CNTNAP2: variants seen among roughly 807,000 people sequenced by gnomAD.
CNTNAP2 encodes the protein contactin associated protein 2, also known as contactin-associated protein-like 2.
Under a neutral mutation model 155.2 loss-of-function variants are expected in CNTNAP2, and 98 were observed. That is an observed-to-expected ratio of 0.63 (90% CI 0.54 to 0.75). The LOEUF is 0.75. Among genes scored for constraint, CNTNAP2 ranks in the 30% least tolerant of loss-of-function variants. CNTNAP2 has a pLI of 0.00. For missense variants in CNTNAP2, 1,727 were observed against 1,688.1 expected, an observed-to-expected ratio of 1.02 and a Z score of -0.40; for synonymous variants, 651 against 631.2, an observed-to-expected ratio of 1.03 and a Z score of -0.47.
intron 13 of CNTNAP2, among the ~76,000 whole-genome samples, chr7:147,879,463 A>C: frequency 6.7e-6 from 1 of 149,142 alleles, no homozygotes; most frequent in Non-Finnish European, 1.5e-5. Flanking sequence ...AAAGATGGAA[A>C]TTTTTTTTTT....
intron 1 of CNTNAP2, among the ~76,000 whole-genome samples, chr7:146,693,584 A>T (rs1396292959): frequency 6.6e-6 from 1 of 152,198 alleles, no homozygotes; most frequent in Non-Finnish European, 1.5e-5. Context: ...CCAGAATATT[A>T]TACCTTGACA....
At chr7:146,552,169 C>T (rs1398492787) in intron 1 of CNTNAP2, among the ~76,000 whole-genome samples, 1 of 152,022 alleles carries the variant, frequency 6.6e-6, no homozygotes, top group Non-Finnish European at 1.5e-5. Flanking sequence ...ATAGCTTTAT[C>T]ATGCCTAAAT....
chr7:146,343,134 T>C (rs1794760713), intron 1 of CNTNAP2, among the ~76,000 whole-genome samples: 1 of 152,192 alleles, frequency 6.6e-6, no homozygotes, highest in Admixed American at 6.5e-5. Context: ...TCTTTCAATG[T>C]TAACTTTATT....
intron 14 of CNTNAP2, among the ~76,000 whole-genome samples, chr7:147,908,107 T>C (rs183980667): frequency 2.4e-4 from 36 of 152,200 alleles, no homozygotes; most frequent in African/African-American, 8.4e-4. Context: ...GACTCTTAAA[T>C]GAAAATAAAT....
intron 2 of CNTNAP2, among the ~76,000 whole-genome samples, chr7:146,830,562 C>A (rs1025036379): frequency 1.3e-5 from 2 of 151,854 alleles, no homozygotes; most frequent in Non-Finnish European, 2.9e-5. Flanking sequence ...ATAATTTTAA[C>A]CCTGTATATT....
Position 147,915,936 on chromosome 7 carries a change from G to A in CNTNAP2, c.2255+12215G>A, listed in dbSNP as rs1280017394. 3.3e-5 allele frequency among the ~76,000 whole-genome samples: 5 copies of A among 152,270 alleles called. No individual in the cohort carries two copies. The East Asian group carries it at 7.7e-4, about 24-fold the overall frequency. On this transcript the variant is annotated intron_variant, in intron 14 of 23. Coordinates refer to ENST00000361727, the MANE Select transcript of CNTNAP2 (RefSeq NM_014141.6). Reference sequence around the variant, plus strand: ...CTTGGCAGATTTGAGCTATGCTGAAGTTGCCTCTTAACAGGAGATTCCTAG... The same window carrying A: ...CTTGGCAGATTTGAGCTATGCTGAAATTGCCTCTTAACAGGAGATTCCTAG...
chr7:147,652,109 G>A (rs574645585), intron 13 of CNTNAP2, among the ~76,000 whole-genome samples: 13 of 152,238 alleles, frequency 8.5e-5, no homozygotes, highest in East Asian at 5.8e-4. Context: ...TATCTTTCCC[G>A]AGCTAGTATT....
intron 8 of CNTNAP2, among the ~76,000 whole-genome samples, chr7:147,218,393 CAT>C (rs1220388289): frequency 6.6e-6 from 1 of 151,330 alleles, no homozygotes; most frequent in Non-Finnish European, 1.5e-5. Flanking sequence ...TCATTTTACC[CAT>C]GTGTTATTTA....
At chr7:146,132,117 A>AGTATCTGTATCTCAGATT (rs1250978184) in intron 1 of CNTNAP2, among the ~76,000 whole-genome samples, 1 of 152,202 alleles carries the variant, frequency 6.6e-6, no homozygotes, top group Non-Finnish European at 1.5e-5. Flanking sequence ...AAACTCATGC[A>AGTATCTGTATCTCAGATT]GTATCTGTAT....
intron 1 of CNTNAP2, among the ~76,000 whole-genome samples, chr7:146,239,961 T>C (rs1448474207): frequency 6.6e-6 from 1 of 152,220 alleles, no homozygotes; most frequent in African/African-American, 2.4e-5. Context: ...TGGATCTGTC[T>C]ACATTGGTTT....
chr7:146,824,865 T>TC (rs1483439020), intron 2 of CNTNAP2, among the ~76,000 whole-genome samples: 5 of 151,324 alleles, frequency 3.3e-5, no homozygotes, highest in African/African-American at 1.2e-4. Flanking sequence ...TGGACCTGTT[T>TC]TTTTTTTTTT....
chr7:147,338,578 T>C (rs1256910389), intron 9 of CNTNAP2, among the ~76,000 whole-genome samples: 1 of 152,124 alleles, frequency 6.6e-6, no homozygotes, highest in African/African-American at 2.4e-5. Context: ...TTAAAGCCTA[T>C]TAGATCACCA....
At chr7:147,102,056 G>A (rs917555322) in intron 4 of CNTNAP2, among the ~76,000 whole-genome samples, 5 of 152,082 alleles carry the variant, frequency 3.3e-5, no homozygotes, top group South Asian at 4.1e-4. Context: ...ATTTAACAAT[G>A]TTAATACAAT....
At chr7:147,058,385 G>C (rs1799602268) in intron 4 of CNTNAP2, among the ~76,000 whole-genome samples, 1 of 152,064 alleles carries the variant, frequency 6.6e-6, no homozygotes, top group Admixed American at 6.6e-5. Flanking sequence ...ATGTTCTATA[G>C]AGTATATTAC....
intron 1 of CNTNAP2, among the ~76,000 whole-genome samples, chr7:146,433,806 A>G (rs1490736479): frequency 1.3e-5 from 2 of 152,126 alleles, no homozygotes; most frequent in African/African-American, 4.8e-5. Flanking sequence ...CTCCGTCATG[A>G]TATGTTGATT....
At chr7:147,252,183 G>T (rs1235247736) in intron 8 of CNTNAP2, among the ~76,000 whole-genome samples, 1 of 152,172 alleles carries the variant, frequency 6.6e-6, no homozygotes, top group South Asian at 2.1e-4. Flanking sequence ...GGGTGGTGGG[G>T]AGAGGTCATA....
Position 148,415,281 on chromosome 7 carries a change from G to A in CNTNAP2, c.3797-136G>A, listed in dbSNP as rs1799954772. 6 of 901,020 alleles carry A rather than the reference G, an allele frequency of 6.7e-6. No homozygotes were observed. The South Asian group carries it at 8.6e-5, about 13-fold the overall frequency. 55.8% of individuals were successfully genotyped at this position (901,020 alleles called of 1,614,324 possible). A position where few individuals can be genotyped will look rare whatever the true frequency, so the allele number is the denominator to read the frequency against. ...AAAACAGACATCTTACTTCATTTTT[G>A]TTATCTTTGTTGTTTTGGAGGTTGT... On this transcript the variant is annotated intron_variant, in intron 23 of 23. Coordinates refer to ENST00000361727, the MANE Select transcript of CNTNAP2 (RefSeq NM_014141.6).
intron 1 of CNTNAP2, among the ~76,000 whole-genome samples, chr7:146,328,971 T>C (rs902437443): frequency 6.6e-6 from 1 of 152,242 alleles, no homozygotes; most frequent in African/African-American, 2.4e-5. Flanking sequence ...TTGGCTATCA[T>C]GAATAAATGT....
intron 12 of CNTNAP2, among the ~76,000 whole-genome samples, chr7:147,634,254 C>A (rs147778381): frequency 6.6e-6 from 1 of 152,126 alleles, no homozygotes; most frequent in Non-Finnish European, 1.5e-5. Flanking sequence ...TATATATACA[C>A]CATGGAATAC....
Sources: gnomAD v4.1 joint callset for allele counts (sites outside exome capture counted in the v4.1 genomes callset) on GRCh38, gnomAD v4.1.1 for gene constraint, MANE v1.5 for transcripts, NCBI Gene and HGNC (gene_info 2026-07-23, HGNC 2026-07-21) for gene names.